The following TPD52L1 variants were observed in gnomAD, a reference collection of about 807,000 sequenced individuals.
TPD52L1 encodes tumor protein D53.
A neutral mutation model predicts 28.7 loss-of-function variants in TPD52L1; 18 were observed. The observed-to-expected ratio is 0.63, with a 90% CI of 0.43 to 0.93. The LOEUF (loss-of-function observed/expected upper bound fraction) is 0.93, where lower values mean the gene tolerates loss of function less well. Among genes scored for constraint, TPD52L1 ranks in the 40% least tolerant of loss-of-function variants. The pLI is 0.00. For synonymous variants in TPD52L1, 75 were observed against 88.8 expected (o/e 0.84, Z 0.88); for missense variants, 203 against 254.8 (o/e 0.80, Z 1.39).
intron 1 of TPD52L1, among the ~76,000 whole-genome samples, chr6:125,213,038 G>T (rs1229847844): frequency 6.6e-6 from 1 of 152,010 alleles, no homozygotes; most frequent in Non-Finnish European, 1.5e-5. Flanking sequence ...GAGTAAAATG[G>T]CTATCTTTAA....
At chr6:125,257,992 C>T (rs1797701716) in intron 6 of TPD52L1, among the ~76,000 whole-genome samples, 1 of 152,010 alleles carries the variant, frequency 6.6e-6, no homozygotes, top group Non-Finnish European at 1.5e-5. Context: ...GATCTTTAAC[C>T]AGATCAAAAA....
chr6:125,189,322 G>A (rs1209378903), intron 1 of TPD52L1, among the ~76,000 whole-genome samples: 1 of 152,196 alleles, frequency 6.6e-6, no homozygotes, highest in Non-Finnish European at 1.5e-5. Context: ...CAGGATTTGT[G>A]TGGGTCATAA....
chr6:125,236,860 G>C (rs933776399), intron 3 of TPD52L1, among the ~76,000 whole-genome samples: 2 of 152,158 alleles, frequency 1.3e-5, no homozygotes, highest in African/African-American at 4.8e-5. Context: ...AAGTGGCCAA[G>C]GCCCCAGGGA....
intron 3 of TPD52L1, among the ~76,000 whole-genome samples, chr6:125,236,060 T>C (rs1365564161): frequency 5.9e-5 from 9 of 152,190 alleles, no homozygotes; most frequent in Admixed American, 5.2e-4. Context: ...GACATTTTAA[T>C]GGAAAGCAGG....
chr6:125,167,361 T>C (rs1353612654), intron 1 of TPD52L1, among the ~76,000 whole-genome samples: 2 of 152,162 alleles, frequency 1.3e-5, no homozygotes. Flanking sequence ...TTTTACCCAA[T>C]ATATGAAGGG....
At chr6:125,208,228 C>T (rs531523189) in intron 1 of TPD52L1, among the ~76,000 whole-genome samples, 31 of 152,224 alleles carry the variant, frequency 2.0e-4, no homozygotes, top group African/African-American at 7.0e-4. Flanking sequence ...CTCTCAAGGC[C>T]AAGATATCAT....
At chr6:125,199,938 G>T (rs1016984139) in intron 1 of TPD52L1, among the ~76,000 whole-genome samples, 1 of 152,142 alleles carries the variant, frequency 6.6e-6, no homozygotes, top group African/African-American at 2.4e-5. Flanking sequence ...CTCCTTAGTG[G>T]CTCATCACCT....
At chr6:125,252,983 T>C (rs902549384) in intron 4 of TPD52L1, 1 of 152,210 alleles carries the variant, frequency 6.6e-6, no homozygotes, top group African/African-American at 2.4e-5. Flanking sequence ...AATGGACCCA[T>C]TGTGCTCCTC....
intron 2 of TPD52L1, among the ~76,000 whole-genome samples, chr6:125,227,053 A>G (rs1467252715): frequency 6.6e-6 from 1 of 152,204 alleles, no homozygotes; most frequent in Non-Finnish European, 1.5e-5. Flanking sequence ...ACAGGGTTCT[A>G]TTGATTATAC....
intron 1 of TPD52L1, chr6:125,154,466 G>T (rs910788029): frequency 1.0e-6 from 1 of 985,946 alleles, no homozygotes; most frequent in Admixed American, 6.1e-5. Context: ...GACGCTTCCC[G>T]CTCGGGGACC....
chr6:125,170,446 G>T (rs925047979), intron 1 of TPD52L1, among the ~76,000 whole-genome samples: 2 of 151,634 alleles, frequency 1.3e-5, no homozygotes, highest in African/African-American at 2.4e-5. Flanking sequence ...GGATAATAAA[G>T]GTGATAAAGA....
At chr6:125,182,576 G>A (rs1324283181) in intron 1 of TPD52L1, among the ~76,000 whole-genome samples, 2 of 152,120 alleles carry the variant, frequency 1.3e-5, no homozygotes, top group Admixed American at 1.3e-4. Flanking sequence ...AGTGGCCTTT[G>A]CTTCTGGAGT....
chr6:125,214,319 G>A, intron 1 of TPD52L1: 2 of 269,432 alleles, frequency 7.4e-6, no homozygotes, highest in Non-Finnish European at 1.1e-5. Context: ...TCTTCTCTAA[G>A]TGTAACCCAT....
chr6:125,257,248 C>T, intron 6 of TPD52L1, 90 bp downstream of exon 6: 1 of 1,085,242 alleles, frequency 9.2e-7, no homozygotes, highest in South Asian at 1.5e-5. Flanking sequence ...GAGGCAGGGC[C>T]AAGAAGGCAG....
chr6:125,225,326 G>T (rs1795536322), intron 2 of TPD52L1, among the ~76,000 whole-genome samples: 2 of 152,150 alleles, frequency 1.3e-5, no homozygotes, highest in South Asian at 4.1e-4. Flanking sequence ...CCATGTATTT[G>T]TTTGAGTACC....
At chr6:125,199,237 T>C (rs1422507872) in intron 1 of TPD52L1, among the ~76,000 whole-genome samples, 5 of 152,254 alleles carry the variant, frequency 3.3e-5, no homozygotes, top group African/African-American at 1.2e-4. Flanking sequence ...CTGGATTTTG[T>C]TGATTTTAAT....
chr6:125,209,295 G>A (rs113901107), intron 1 of TPD52L1, among the ~76,000 whole-genome samples: 1,993 of 152,284 alleles, frequency 0.013, 8 homozygotes, highest in African/African-American at 0.019. Context: ...CGCCCATCTG[G>A]CATTTCTCAG....
intron 3 of TPD52L1, among the ~76,000 whole-genome samples, chr6:125,240,400 G>A (rs995714918): frequency 6.6e-6 from 1 of 152,184 alleles, no homozygotes; most frequent in Admixed American, 6.5e-5. Flanking sequence ...CATTGAATCT[G>A]TAGATTGCTA....
At chr6:125,163,130 G>A (rs150223709) in intron 1 of TPD52L1, among the ~76,000 whole-genome samples, 5 of 152,312 alleles carry the variant, frequency 3.3e-5, no homozygotes, top group East Asian at 1.9e-4. Flanking sequence ...GTTGAGAGTC[G>A]TTCCTGTGGG....
Sources: gnomAD v4.1 joint callset for allele counts (sites outside exome capture counted in the v4.1 genomes callset) on GRCh38, gnomAD v4.1.1 for gene constraint, MANE v1.5 for transcripts, NCBI Gene and HGNC (gene_info 2026-07-23, HGNC 2026-07-21) for gene names.